Variants in ADGRB3 observed in about 807,000 individuals in gnomAD.
The protein encoded by ADGRB3 is adhesion G protein-coupled receptor B3, also known as brain-specific angiogenesis inhibitor 3.
Under a neutral mutation model 193.4 loss-of-function variants are expected in ADGRB3, and 37 were observed. The ratio of observed to expected loss-of-function variants is 0.19; its 90% CI spans 0.15 to 0.25. The LOEUF (loss-of-function observed/expected upper bound fraction) is 0.25, where lower values mean the gene tolerates loss of function less well. Among genes scored for constraint, ADGRB3 ranks in the 10% least tolerant of loss-of-function variants. The pLI, the probability that ADGRB3 is intolerant of heterozygous loss-of-function variation, is 1.00. For synonymous variants in ADGRB3, 690 were observed against 644.2 expected, an observed-to-expected ratio of 1.07 and a Z score of -1.08; for missense variants, 1,637 against 1,852.9, an observed-to-expected ratio of 0.88 and a Z score of 2.14.
chr6:68,880,838 T>C lies in ADGRB3; in HGVS notation c.758-49721T>C, dbSNP rs187328658. ...TTGGCTGCCTATCATATTCTAGTCA[T>C]TGTTGATGTTTTTCTTTTTCTCATA... On this transcript the variant is annotated intron_variant, in intron 3 of 31. Transcript: ENST00000370598. Among the ~76,000 whole-genome samples, 216 of 152,336 alleles carry C rather than the reference T, an allele frequency of 1.4e-3. 2 individuals are homozygous for C. The highest frequency in any genetic ancestry group is 5.1e-3 in the African/African-American group (213 of 41,570).
intron 8 of ADGRB3, among the ~76,000 whole-genome samples, chr6:68,972,086 T>C (rs533971053): frequency 4.7e-4 from 72 of 152,356 alleles, no homozygotes; most frequent in African/African-American, 1.6e-3. Flanking sequence ...TGTGTGGTTA[T>C]TGGTGCTTCA....
At chr6:68,768,520 C>T (rs777054891) in intron 3 of ADGRB3, among the ~76,000 whole-genome samples, 11 of 152,144 alleles carry the variant, frequency 7.2e-5, no homozygotes, top group Non-Finnish European at 1.5e-4. Context: ...CCCTTCCTTA[C>T]ACCTTACACA....
intron 3 of ADGRB3, among the ~76,000 whole-genome samples, chr6:68,655,174 A>G (rs1470925075): frequency 6.6e-6 from 1 of 151,314 alleles, no homozygotes; most frequent in African/African-American, 2.4e-5. Flanking sequence ...TGTAAAACAA[A>G]GATTGTTGTA....
chr6:68,752,827 G>A (rs971065169), intron 3 of ADGRB3, among the ~76,000 whole-genome samples: 2 of 152,090 alleles, frequency 1.3e-5, no homozygotes, highest in Admixed American at 1.3e-4. Context: ...GTAAATGTTG[G>A]TATACACTTG....
chr6:68,651,831 A>G (rs1232444779), intron 3 of ADGRB3, among the ~76,000 whole-genome samples: 1 of 152,128 alleles, frequency 6.6e-6, no homozygotes, highest in Non-Finnish European at 1.5e-5. Context: ...TTGAAAAACC[A>G]CTGCAGAACT....
At chr6:68,709,734 T>C (rs1765379495) in intron 3 of ADGRB3, among the ~76,000 whole-genome samples, 2 of 152,196 alleles carry the variant, frequency 1.3e-5, no homozygotes, top group African/African-American at 4.8e-5. Context: ...AATTAAAATA[T>C]TAAACCAGAA....
chr6:69,039,745 T>C (rs2150297572), intron 13 of ADGRB3, among the ~76,000 whole-genome samples: 1 of 148,290 alleles, frequency 6.7e-6, no homozygotes, highest in East Asian at 1.9e-4. Context: ...TTTTTTTCTT[T>C]TTTTTTTTTT....
intron 26 of ADGRB3, among the ~76,000 whole-genome samples, chr6:69,344,924 T>C (rs1769052746): frequency 6.6e-6 from 1 of 152,046 alleles, no homozygotes; most frequent in South Asian, 2.1e-4. Context: ...AGCAGAGAGT[T>C]TGATTCTTCT....
chr6:68,866,070 T>C (rs1765290203), intron 3 of ADGRB3, among the ~76,000 whole-genome samples: 1 of 151,902 alleles, frequency 6.6e-6, no homozygotes, highest in African/African-American at 2.4e-5. Flanking sequence ...GGTGCCTCAC[T>C]TCAGAAGGTG....
chr6:68,852,147 G>A (rs1768416011), intron 3 of ADGRB3, among the ~76,000 whole-genome samples: 1 of 151,650 alleles, frequency 6.6e-6, no homozygotes. Flanking sequence ...GTAGAATTTA[G>A]ATATTAAAAA....
chr6:69,287,392 T>G (rs1050773979), intron 20 of ADGRB3, among the ~76,000 whole-genome samples: 2 of 151,828 alleles, frequency 1.3e-5, no homozygotes, highest in African/African-American at 4.8e-5. Flanking sequence ...ATTTAAAAAA[T>G]AACTTACACC....
intron 17 of ADGRB3, among the ~76,000 whole-genome samples, chr6:69,222,049 C>T (rs1013194921): frequency 2.0e-5 from 3 of 152,028 alleles, no homozygotes; most frequent in African/African-American, 7.2e-5. Context: ...TCATGAAATA[C>T]ATTAATTATT....
chr6:69,192,502 A>G (rs368745763), intron 17 of ADGRB3, among the ~76,000 whole-genome samples: 1 of 152,140 alleles, frequency 6.6e-6, no homozygotes, highest in African/African-American at 2.4e-5. Flanking sequence ...ACACCCAGGA[A>G]CAATATTTTG....
At chr6:68,704,309 A>G (rs898266589) in intron 3 of ADGRB3, among the ~76,000 whole-genome samples, 1 of 152,192 alleles carries the variant, frequency 6.6e-6, no homozygotes, top group Non-Finnish European at 1.5e-5. Flanking sequence ...CACTTAGAGA[A>G]TAATGCCAAC....
chr6:68,803,561 A>G (rs1257948666), intron 3 of ADGRB3, among the ~76,000 whole-genome samples: 1 of 152,020 alleles, frequency 6.6e-6, no homozygotes, highest in Non-Finnish European at 1.5e-5. Context: ...TCCCTTCCCA[A>G]TCTAGACTTT....
rs990259288 is a variant in ADGRB3 at position 68,749,864 on chromosome 6, A to G, written c.757+110432A>G. 6.4e-4 allele frequency among the ~76,000 whole-genome samples: 98 copies of G among 152,302 alleles called. 1 individual carries two copies. Among genetic ancestry groups the G allele is most frequent in the Non-Finnish European group, 3.4e-4 (23 of 68,010 alleles). ...ATGGTCATATTGATGACACTACAAT[A>G]ATGTAGGATCTTGAATTGTAATCTG... On this transcript the variant is annotated intron_variant, in intron 3 of 31. Coordinates refer to ENST00000370598, the MANE Select transcript of ADGRB3 (RefSeq NM_001704.3).
intron 20 of ADGRB3, among the ~76,000 whole-genome samples, chr6:69,263,391 GCATGATGGCA>G (rs1561970298): frequency 6.6e-6 from 1 of 151,820 alleles, no homozygotes; most frequent in African/African-American, 2.4e-5. Context: ...AGATATTTTC[GCATGATGGCA>G]CCTAAATGAC....
intron 15 of ADGRB3, among the ~76,000 whole-genome samples, chr6:69,051,667 A>G (rs1280873278): frequency 1.3e-5 from 2 of 152,202 alleles, no homozygotes; most frequent in Non-Finnish European, 2.9e-5. Flanking sequence ...CCTTTTCAAA[A>G]CATTCTTCCA....
chr6:69,191,059 G>A (rs1298126202), intron 17 of ADGRB3, among the ~76,000 whole-genome samples: 1 of 152,126 alleles, frequency 6.6e-6, no homozygotes, highest in Non-Finnish European at 1.5e-5. Flanking sequence ...GTATTTGTAT[G>A]GTGTTGTTGA....
Sources: gnomAD v4.1 joint callset for allele counts (sites outside exome capture counted in the v4.1 genomes callset) on GRCh38, gnomAD v4.1.1 for gene constraint, MANE v1.5 for transcripts, NCBI Gene and HGNC (gene_info 2026-07-23, HGNC 2026-07-21) for gene names.